Variants in TUSC3 observed in about 807,000 individuals in gnomAD.
The protein encoded by TUSC3 is tumor suppressor candidate 3, also known as dolichyl-diphosphooligosaccharide--protein glycosyltransferase subunit TUSC3.
TUSC3 carries 45 observed loss-of-function variants against 44.8 expected under a neutral mutation model. That is an observed-to-expected ratio of 1.00 (90% CI 0.79 to 1.29). TUSC3 has a LOEUF of 1.29. Ranked by LOEUF, TUSC3 falls within the 50% of genes most tolerant of loss-of-function variation. TUSC3 has a pLI of 0.00. For missense variants in TUSC3, 519 were observed against 437.9 expected, an observed-to-expected ratio of 1.19 and a Z score of -1.65; for synonymous variants, 212 against 152.9, an observed-to-expected ratio of 1.39 and a Z score of -2.85.
At chr8:15,596,150 T>C (rs887672123) in intron 1 of TUSC3, among the ~76,000 whole-genome samples, 6 of 152,214 alleles carry the variant, frequency 3.9e-5, no homozygotes, top group African/African-American at 1.4e-4. Context: ...TCCTATTTTA[T>C]AGTCGCAAGT....
the TUSC3 span, among the ~76,000 whole-genome samples, chr8:15,774,574 C>T: frequency 2.6e-5 from 4 of 152,144 alleles, no homozygotes; most frequent in African/African-American, 9.7e-5. Flanking sequence ...TACTTTTAGT[C>T]TCCAGAACAT....
chr8:15,485,503 C>T (rs764209450), intron 2 of TUSC3, among the ~76,000 whole-genome samples: 1 of 143,926 alleles, frequency 6.9e-6, no homozygotes, highest in African/African-American at 2.6e-5. Context: ...GTTCTTGTCA[C>T]CCAGGCTGGA....
chr8:15,803,763 T>C, the TUSC3 span, among the ~76,000 whole-genome samples: 5 of 152,124 alleles, frequency 3.3e-5, no homozygotes, highest in African/African-American at 1.2e-4. Context: ...TGTGTCTGTG[T>C]TGTTCAACTC....
chr8:15,486,018 T>G lies in TUSC3; in HGVS notation n.189+2535T>G, dbSNP rs181094772. Among the ~76,000 whole-genome samples, 5 of 152,244 alleles carry G rather than the reference T, an allele frequency of 3.3e-5. No individual in the cohort carries two copies. In the East Asian group the frequency reaches 9.7e-4, roughly 29 times the overall value. On this transcript the variant is annotated intron_variant and non_coding_transcript_variant, in intron 2 of 5. Coordinates refer to the TUSC3 transcript ENST00000503191. ...CATGTTGGGCAGGCTGGTCTCAAACTCCTGACCTTAAGTGATCCATCCACC... is the reference window on the plus strand; with the variant it reads ...CATGTTGGGCAGGCTGGTCTCAAACGCCTGACCTTAAGTGATCCATCCACC...
intron 1 of TUSC3, among the ~76,000 whole-genome samples, chr8:15,579,005 G>T (rs1803220029): frequency 6.6e-6 from 1 of 151,904 alleles, no homozygotes; most frequent in African/African-American, 2.4e-5. Flanking sequence ...CCTGTTATTG[G>T]TCTATTCAGA....
the TUSC3 span, among the ~76,000 whole-genome samples, chr8:15,793,319 T>C: frequency 6.6e-6 from 1 of 152,062 alleles, no homozygotes; most frequent in African/African-American, 2.4e-5. Context: ...TGATTCAGCC[T>C]CAGTATTTGC....
intron 2 of TUSC3, among the ~76,000 whole-genome samples, chr8:15,531,488 G>C (rs941481467): frequency 2.0e-5 from 3 of 152,194 alleles, no homozygotes; most frequent in Admixed American, 6.5e-5. Context: ...CTGACCTCAG[G>C]TGATCCACCT....
chr8:15,721,864 A>G (rs1417608874), intron 6 of TUSC3, among the ~76,000 whole-genome samples: 1 of 152,062 alleles, frequency 6.6e-6, no homozygotes, highest in Non-Finnish European at 1.5e-5. Flanking sequence ...AAAATATAGT[A>G]GAATGAGAAG....
the TUSC3 span, among the ~76,000 whole-genome samples, chr8:15,784,865 T>G: frequency 6.6e-6 from 1 of 152,112 alleles, no homozygotes; most frequent in South Asian, 2.1e-4. Flanking sequence ...TAACAATGTA[T>G]TGTGTATTTT....
chr8:15,606,437 C>A (rs1317492132), intron 1 of TUSC3, among the ~76,000 whole-genome samples: 1 of 151,966 alleles, frequency 6.6e-6, no homozygotes, highest in East Asian at 1.9e-4. Context: ...GGGGAGTGAA[C>A]ACTTAACACG....
chr8:15,806,801 AT>A, the TUSC3 span: 4 of 849,456 alleles, frequency 4.7e-6, no homozygotes, highest in Non-Finnish European at 7.7e-6. Context: ...CGGATTTGCA[AT>A]TTGTGAAGAA....
intron 4 of TUSC3, among the ~76,000 whole-genome samples, chr8:15,661,274 C>A (rs184525919): frequency 4.3e-4 from 65 of 152,128 alleles, no homozygotes; most frequent in Admixed American, 3.9e-3. Flanking sequence ...TTTACATTGT[C>A]CACCTTCAGT....
chr8:15,696,998 A>G (rs543200593), intron 6 of TUSC3, among the ~76,000 whole-genome samples: 8 of 152,194 alleles, frequency 5.3e-5, no homozygotes, highest in East Asian at 1.9e-4. Flanking sequence ...CAGGGTATCA[A>G]ATAAGCTAGG....
intron 1 of TUSC3, among the ~76,000 whole-genome samples, chr8:15,584,627 A>T (rs1329935981): frequency 6.6e-6 from 1 of 152,124 alleles, no homozygotes; most frequent in Non-Finnish European, 1.5e-5. Context: ...AATTGAGTCA[A>T]TACAGTTTTG....
intron 1 of TUSC3, among the ~76,000 whole-genome samples, chr8:15,581,286 A>G (rs1395600603): frequency 0.013 from 1,847 of 144,298 alleles, 45 homozygotes; most frequent in African/African-American, 0.048. Context: ...GCTGAGAGTA[A>G]TTTGATCGTC....
Position 15,530,938 on chromosome 8 carries a change from C to A in TUSC3, n.189+47455C>A, listed in dbSNP as rs187688902. 1.2e-3 allele frequency among the ~76,000 whole-genome samples: 188 copies of A among 152,242 alleles called. 1 individual carries two copies. Among genetic ancestry groups the A allele is most frequent in the Non-Finnish European group, 2.0e-3 (136 of 68,024 alleles). Reference sequence around the variant, plus strand: ...AATCTTCTTGGCATGTGATGACGAACCTCGGGTGTCACCCCAGAAAACACT... The same window carrying A: ...AATCTTCTTGGCATGTGATGACGAAACTCGGGTGTCACCCCAGAAAACACT... On this transcript the variant is annotated intron_variant and non_coding_transcript_variant, in intron 2 of 5. Coordinates refer to the TUSC3 transcript ENST00000503191.
intron 1 of TUSC3, among the ~76,000 whole-genome samples, chr8:15,559,091 T>C (rs1454374385): frequency 1.4e-5 from 2 of 145,564 alleles, no homozygotes; most frequent in Non-Finnish European, 3.0e-5. Flanking sequence ...TTAATTGTGA[T>C]GTTAGGGTGT....
intron 3 of TUSC3, among the ~76,000 whole-genome samples, chr8:15,657,038 G>A (rs1159242392): frequency 6.6e-6 from 1 of 152,138 alleles, no homozygotes; most frequent in Admixed American, 6.5e-5. Context: ...GAGCTTTGAC[G>A]TCCCATAGAT....
chr8:15,479,332 G>C (rs1436583265), intron 1 of TUSC3, among the ~76,000 whole-genome samples: 3 of 152,048 alleles, frequency 2.0e-5, no homozygotes, highest in Non-Finnish European at 4.4e-5. Flanking sequence ...AATTGCTTTT[G>C]ATGTTTTTGT....
Sources: allele counts gnomAD v4.1 joint callset (sites outside exome capture counted in the v4.1 genomes callset), GRCh38; gene constraint gnomAD v4.1.1; transcripts MANE v1.5; gene names NCBI Gene and HGNC (gene_info 2026-07-23, HGNC 2026-07-21).